OPCML: variants seen among roughly 807,000 people sequenced by gnomAD.
OPCML encodes opioid-binding protein/cell adhesion molecule.
In OPCML, 13 loss-of-function variants were observed where a neutral mutation model predicts 37.8. The observed-to-expected ratio is 0.34, with a 90% CI of 0.22 to 0.55. The LOEUF (loss-of-function observed/expected upper bound fraction) is 0.55, where lower values mean the gene tolerates loss of function less well. OPCML is among the 20% of genes least tolerant of loss of function. OPCML has a pLI of 0.91. For missense variants in OPCML, 341 were observed against 435.6 expected (o/e 0.78, Z 1.93); for synonymous variants, 176 against 168.8 (o/e 1.04, Z -0.33).
chr11:133,387,098 A>T (rs920799076), intron 1 of OPCML, among the ~76,000 whole-genome samples: 1 of 152,194 alleles, frequency 6.6e-6, no homozygotes, highest in Non-Finnish European at 1.5e-5. Flanking sequence ...AATGTTCCTC[A>T]AACACATGGC....
rs75298625 is a variant in OPCML at position 133,399,613 on chromosome 11, C to T, written c.61+132651G>A. On this transcript the variant is annotated intron_variant, in intron 1 of 7. Coordinates refer to ENST00000524381, the MANE Select transcript of OPCML (RefSeq NM_001012393.5). ...CGAACAACACAAACACACATACCCCCTCTATCCACTCCTCTGGCTGAAGAA... is the reference window on the plus strand; with the variant it reads ...CGAACAACACAAACACACATACCCCTTCTATCCACTCCTCTGGCTGAAGAA... Among the ~76,000 whole-genome samples, 929 of 152,198 alleles carry T rather than the reference C, an allele frequency of 6.1e-3. 9 individuals are homozygous for T. Among genetic ancestry groups the T allele is most frequent in the African/African-American group, 0.02 (827 of 41,536 alleles).
chr11:133,331,779 TCTTTC>T (rs1208298901), intron 1 of OPCML, among the ~76,000 whole-genome samples: 39 of 152,178 alleles, frequency 2.6e-4, no homozygotes, highest in Admixed American at 1.3e-3. Flanking sequence ...ACATAGGCCA[TCTTTC>T]CTTTACTTAT....
chr11:132,546,584 T>C (rs1300700248), intron 3 of OPCML, among the ~76,000 whole-genome samples: 1 of 152,228 alleles, frequency 6.6e-6, no homozygotes, highest in African/African-American at 2.4e-5. Flanking sequence ...AAAGTTCATT[T>C]ACTCTATTGT....
At chr11:133,348,678 G>C (rs531941959) in intron 1 of OPCML, among the ~76,000 whole-genome samples, 1 of 152,328 alleles carries the variant, frequency 6.6e-6, no homozygotes, top group East Asian at 1.9e-4. Context: ...TGCTATGCTA[G>C]AAGGTGATCT....
chr11:132,901,467 T>TG (rs1232242505), intron 2 of OPCML, among the ~76,000 whole-genome samples: 1 of 152,212 alleles, frequency 6.6e-6, no homozygotes, highest in African/African-American at 2.4e-5. Flanking sequence ...AGCCCAGCGT[T>TG]GCACTTGTCA....
chr11:132,459,362 G>A (rs765035693), intron 4 of OPCML, among the ~76,000 whole-genome samples: 27 of 151,396 alleles, frequency 1.8e-4, no homozygotes, highest in Middle Eastern at 3.4e-3. Context: ...CTCAGCCTCC[G>A]TAATCATCAC....
At chr11:132,956,359 G>C (rs1202674271) in intron 1 of OPCML, among the ~76,000 whole-genome samples, 1 of 152,152 alleles carries the variant, frequency 6.6e-6, no homozygotes, top group African/African-American at 2.4e-5. Flanking sequence ...CATTGCTTGT[G>C]ATTTACATAA....
At chr11:132,557,028 T>C (rs1228691053) in intron 3 of OPCML, among the ~76,000 whole-genome samples, 2 of 152,230 alleles carry the variant, frequency 1.3e-5, no homozygotes, top group Non-Finnish European at 2.9e-5. Context: ...ATTTTATGTG[T>C]GAAATTGCTT....
chr11:132,706,652 T>C (rs1003468064), intron 2 of OPCML, among the ~76,000 whole-genome samples: 1 of 152,110 alleles, frequency 6.6e-6, no homozygotes, highest in Non-Finnish European at 1.5e-5. Context: ...TCTAACCCCC[T>C]ACTACACCAC....
chr11:132,748,343 T>G (rs190214466), intron 2 of OPCML, among the ~76,000 whole-genome samples: 6 of 152,164 alleles, frequency 3.9e-5, no homozygotes, highest in Non-Finnish European at 7.3e-5. Flanking sequence ...TTCACAGATA[T>G]GTATCGAATG....
intron 1 of OPCML, chr11:133,009,208 G>T (rs1947169090): frequency 1.0e-6 from 1 of 985,236 alleles, no homozygotes; most frequent in Non-Finnish European, 1.2e-6. Flanking sequence ...TGTAGATATA[G>T]TCCCTGATCT....
At chr11:133,107,499 C>T (rs1332325284) in intron 1 of OPCML, among the ~76,000 whole-genome samples, 1 of 152,152 alleles carries the variant, frequency 6.6e-6, no homozygotes, top group African/African-American at 2.4e-5. Flanking sequence ...ATATTTCTGG[C>T]CCCAACCTAT....
intron 2 of OPCML, among the ~76,000 whole-genome samples, chr11:132,872,926 T>C (rs1439645925): frequency 7.2e-6 from 1 of 138,634 alleles, no homozygotes. Flanking sequence ...TCTTTCTTTC[T>C]TTTTTTTTTT....
chr11:132,858,701 G>A (rs1274627397), intron 2 of OPCML, among the ~76,000 whole-genome samples: 1 of 152,170 alleles, frequency 6.6e-6, no homozygotes, highest in Non-Finnish European at 1.5e-5. Context: ...CATGGGTGAT[G>A]AATTCTCCTT....
intron 1 of OPCML, among the ~76,000 whole-genome samples, chr11:133,276,474 G>A (rs984927115): frequency 6.6e-6 from 1 of 152,104 alleles, no homozygotes; most frequent in Non-Finnish European, 1.5e-5. Flanking sequence ...ATGCAGGAGG[G>A]AGCAAAACCT....
At chr11:132,520,910 A>G (rs2096291691) in intron 4 of OPCML, among the ~76,000 whole-genome samples, 1 of 152,102 alleles carries the variant, frequency 6.6e-6, no homozygotes, top group Non-Finnish European at 1.5e-5. Context: ...TTACCCAGTA[A>G]TGAGATTGCT....
chr11:133,507,130 G>A (rs571604415), intron 1 of OPCML, among the ~76,000 whole-genome samples: 57 of 152,286 alleles, frequency 3.7e-4, no homozygotes, highest in East Asian at 3.7e-3. Context: ...TCCACTGCCC[G>A]CTAGCCCAGC....
At chr11:133,458,071 A>G (rs1471871218) in intron 1 of OPCML, among the ~76,000 whole-genome samples, 3 of 151,884 alleles carry the variant, frequency 2.0e-5, no homozygotes, top group East Asian at 3.9e-4. Context: ...GCTTGAACCC[A>G]GGAGGCAGAG....
intron 1 of OPCML, among the ~76,000 whole-genome samples, chr11:133,119,108 C>G (rs1186542060): frequency 6.6e-6 from 1 of 152,066 alleles, no homozygotes; most frequent in Non-Finnish European, 1.5e-5. Flanking sequence ...AGCATCAACT[C>G]AGGCAACTTC....
Sources: gnomAD v4.1 joint callset for allele counts (sites outside exome capture counted in the v4.1 genomes callset) on GRCh38, gnomAD v4.1.1 for gene constraint, MANE v1.5 for transcripts, NCBI Gene and HGNC (gene_info 2026-07-23, HGNC 2026-07-21) for gene names.